GABBR1: variants seen among roughly 807,000 people sequenced by gnomAD.
The protein encoded by GABBR1 is gamma-aminobutyric acid type B receptor subunit 1, also known as GABA-B receptor, R1 subunit.
GABBR1 carries 35 observed loss-of-function variants against 117.7 expected under a neutral mutation model. That is an observed-to-expected ratio of 0.30 (90% confidence interval 0.23 to 0.39). The LOEUF (loss-of-function observed/expected upper bound fraction) is 0.39, where lower values mean the gene tolerates loss of function less well. GABBR1 is among the 10% of genes least tolerant of loss of function. The pLI, the probability that GABBR1 is intolerant of heterozygous loss-of-function variation, is 1.00. For missense variants in GABBR1, 709 were observed against 1,241.8 expected (o/e 0.57, Z 6.45); for synonymous variants, 442 against 486.6 (o/e 0.91, Z 1.21).
intron 11 of GABBR1, among the ~76,000 whole-genome samples, chr6:29,615,291 CAAAAAAAA>C (rs28751301): frequency 5.8e-5 from 5 of 86,750 alleles, no homozygotes; most frequent in Non-Finnish European, 1.1e-4. Flanking sequence ...GACTCCGTCT[CAAAAAAAA>C]AAAAAAAAGG....
At chr6:29,628,065 G>A in intron 5 of GABBR1, 1 of 989,770 alleles carries the variant, frequency 1.0e-6, no homozygotes, top group South Asian at 4.9e-5. Context: ...GGCTGGGAGG[G>A]GGCTCTGACG....
chr6:29,619,175 T>G (rs1472425126), intron 11 of GABBR1, among the ~76,000 whole-genome samples: 1 of 152,188 alleles, frequency 6.6e-6, no homozygotes, highest in Non-Finnish European at 1.5e-5. Flanking sequence ...ACTATTGATC[T>G]AAACATAAGG....
In GABBR1 at chr6:29,630,478, G is replaced by A. The variant is rs750918340; in HGVS notation, c.455C>T (p.Thr152Ile). 1 of 1,612,852 alleles carries A rather than the reference G, an allele frequency of 6.2e-7. No homozygotes were observed. Among genetic ancestry groups the A allele is most frequent in the Non-Finnish European group, 8.5e-7 (1 of 1,179,884 alleles). ...RSICSQGQWSTPKPHCQVNRT... is the reference protein window; with the variant it reads ...RSICSQGQWSIPKPHCQVNRT... Reference sequence around the variant, plus strand: ...CTCACCCTGGCAGTGGGGCTTGGGGGTGCTCCACTGGCCCTGACTACAGAT... The same window carrying A: ...CTCACCCTGGCAGTGGGGCTTGGGGATGCTCCACTGGCCCTGACTACAGAT... Residue 152 changes from threonine (T) to isoleucine (I), a missense_variant, in exon 4 of 23, where the codon ACC becomes ATC. By Grantham distance (89) the Thr-to-Ile change is moderately conservative (BLOSUM62 -1). Coordinates refer to ENST00000377034, the MANE Select transcript of GABBR1 (RefSeq NM_001470.4). This position sits in a 1 kb window ranked among gnomAD's most constrained non-coding sequence, Gnocchi z 4.9.
In GABBR1 at chr6:29,632,757, T is replaced by G; in HGVS notation, c.-1+93A>C. 2 of 1,061,126 alleles carry G rather than the reference T, an allele frequency of 1.9e-6. No individual in the cohort carries two copies. Among genetic ancestry groups the G allele is most frequent in the Non-Finnish European group, 2.4e-6 (2 of 838,204 alleles). 65.7% of individuals were successfully genotyped at this position (1,061,126 alleles called of 1,614,324 possible). On this transcript the variant is annotated intron_variant, in intron 1 of 22. Transcript: ENST00000377034. The surrounding 1 kb of genome is among the most constrained non-coding windows in gnomAD (Gnocchi z 5.8). ...GTTCCTCCTCTCCCCCAGCCCCGCT[T>G]CCCCCAGCTGGGCCCTGCGCCCACT...
In GABBR1 at chr6:29,607,865, T is replaced by G. The variant is rs948000512; in HGVS notation, c.1993-647A>C. Reference sequence around the variant, plus strand: ...ATCCCTACTCTGGAACCTCTCCTATTGCACTACAGCTAATTGTCTGCTTCT... The same window carrying G: ...ATCCCTACTCTGGAACCTCTCCTATGGCACTACAGCTAATTGTCTGCTTCT... On this transcript the variant is annotated intron_variant, in intron 16 of 22. Coordinates refer to ENST00000377034, the MANE Select transcript of GABBR1 (RefSeq NM_001470.4). The surrounding 1 kb of genome is among the most constrained non-coding windows in gnomAD (Gnocchi z 5.0). Among the ~76,000 whole-genome samples, 2 of 152,236 alleles carry G rather than the reference T, an allele frequency of 1.3e-5. No homozygotes were observed. The highest frequency in any genetic ancestry group is 4.8e-5 in the African/African-American group (2 of 41,464).
chr6:29,606,822 ACACAGCCCCAGGGCCCTGATGG>A lies in GABBR1; in HGVS notation c.2217+53_2217+74del. 8.0e-7 allele frequency: 1 copy of A among 1,250,576 alleles called. No homozygotes were observed. The allele number at this position is 1,250,576 out of a possible 1,614,324, so 77.5% of individuals were successfully genotyped here. ...CAAGTAGCTTCATCCCTCAAGACACACACAGCCCCAGGGCCCTGATGGCCACTGAGCCCTGCTCATTCTCCTG... is the reference window on the plus strand; with the variant it reads ...CAAGTAGCTTCATCCCTCAAGACACACCACTGAGCCCTGCTCATTCTCCTG... On this transcript the variant is annotated intron_variant, in intron 18 of 22. Transcript: ENST00000377034. The surrounding 1 kb of genome is among the most constrained non-coding windows in gnomAD (Gnocchi z 4.5).
At chr6:29,614,495 C>T (rs1334802787) in intron 11 of GABBR1, among the ~76,000 whole-genome samples, 1 of 152,228 alleles carries the variant, frequency 6.6e-6, no homozygotes, top group Non-Finnish European at 1.5e-5. Flanking sequence ...TTCTCTCCAA[C>T]TTTCTAGAGA....
At chr6:29,629,239 G>A in intron 4 of GABBR1, 132 bp from the exon 5 acceptor site, 1 of 1,010,334 alleles carries the variant, frequency 9.9e-7, no homozygotes, top group Non-Finnish European at 1.5e-6. Context: ...GTTTCTGAGG[G>A]GAGGGTGCCT....
At position 29,603,004 on chromosome 6, in the gene GABBR1, C is replaced by T. The variant is rs979747254; in HGVS notation, c.*539G>A. ...GAGGCAAGGAGCATGTGAGCCTTGG[C>T]GAAAAGAATGAGCTCCCAAAGGAAG... On this transcript the variant is annotated 3_prime_UTR_variant, in exon 23 of 23. Transcript: ENST00000377034. 13 of 456,498 alleles carry T rather than the reference C, an allele frequency of 2.8e-5. No individual in the cohort carries two copies. Among genetic ancestry groups the T allele is most frequent in the African/African-American group, 1.0e-4 (5 of 49,960 alleles). The allele number at this position is 456,498 out of a possible 1,614,324, so 28.3% of individuals were successfully genotyped here. A position where few individuals can be genotyped will look rare whatever the true frequency, so the allele number is the denominator to read the frequency against.
chr6:29,621,052 GTCC>G lies in GABBR1; in HGVS notation c.1323+46_1323+48del. 2 of 1,551,394 alleles carry G rather than the reference GTCC, an allele frequency of 1.3e-6. No individual in the cohort carries two copies. Among genetic ancestry groups the G allele is most frequent in the Non-Finnish European group, 1.8e-6 (2 of 1,138,608 alleles). ...CCCTTTCCCCTGCAAGGCCCCCTCA[GTCC>G]TCTCCACCCTCCCAGGTGCCAGACT... On this transcript the variant is annotated intron_variant, in intron 11 of 22. Transcript: ENST00000377034. The surrounding 1 kb of genome is among the most constrained non-coding windows in gnomAD (Gnocchi z 5.0).
chr6:29,621,010 G>T lies in GABBR1; in HGVS notation c.1323+91C>A. 1.8e-6 allele frequency: 2 copies of T among 1,123,286 alleles called. No individual in the cohort carries two copies. The highest frequency in any genetic ancestry group is 2.5e-6 in the Non-Finnish European group (2 of 791,578). 69.6% of individuals were successfully genotyped at this position (1,123,286 alleles called of 1,614,324 possible). On this transcript the variant is annotated intron_variant, in intron 11 of 22. Transcript: ENST00000377034. This position sits in a 1 kb window ranked among gnomAD's most constrained non-coding sequence, Gnocchi z 5.0. ...CTCTTCTCCTTTATATCCAAATTCC[G>T]CACCCTCTCCCTGCCACCCTTTCCC...
In GABBR1 at chr6:29,622,596, A is replaced by C. The variant is rs893579791; in HGVS notation, c.964-391T>G. The C allele has an allele frequency of 4.4e-5, 10 of 229,846 alleles. No homozygotes were observed. The South Asian group carries it at 6.5e-4, about 15-fold the overall frequency. The allele number at this position is 229,846 out of a possible 1,614,324, so 14.2% of individuals were successfully genotyped here. The stretch of plus-strand genomic sequence containing the variant: ...GGGCAGACAGACAAAGGATCAGAGA[A>C]GAATGGTCTGAATCAGAGTGAAAGT... On this transcript the variant is annotated intron_variant, in intron 8 of 22. Transcript: ENST00000377034. This position sits in a 1 kb window ranked among gnomAD's most constrained non-coding sequence, Gnocchi z 4.6.
rs1761980943 is a variant in GABBR1 at position 29,606,569 on chromosome 6, G to A, written c.2218-85C>T. 4.2e-6 allele frequency: 4 copies of A among 948,170 alleles called. No individual in the cohort carries two copies. Among genetic ancestry groups the A allele is most frequent in the South Asian group, 1.3e-5 (1 of 76,856 alleles). 58.7% of individuals were successfully genotyped at this position (948,170 alleles called of 1,614,324 possible). A position where few individuals can be genotyped will look rare whatever the true frequency, so the allele number is the denominator to read the frequency against. ...GCTTCTCAGTCTCTGGCTTCCAACT[G>A]TTTTCCTATGAGACCCTCAATGCTG... On this transcript the variant is annotated intron_variant, in intron 18 of 22. Transcript: ENST00000377034. This position sits in a 1 kb window ranked among gnomAD's most constrained non-coding sequence, Gnocchi z 4.5.
chr6:29,630,693 T>G lies in GABBR1; in HGVS notation c.290-50A>C, dbSNP rs752907650. 1.3e-6 allele frequency: 2 copies of G among 1,532,922 alleles called. No homozygotes were observed. Among genetic ancestry groups the G allele is most frequent in the Non-Finnish European group, 1.8e-6 (2 of 1,116,636 alleles). 95.0% of individuals were successfully genotyped at this position (1,532,922 alleles called of 1,614,324 possible). On this transcript the variant is annotated intron_variant, in intron 3 of 22. Coordinates refer to ENST00000377034, the MANE Select transcript of GABBR1 (RefSeq NM_001470.4). The surrounding 1 kb of genome is among the most constrained non-coding windows in gnomAD (Gnocchi z 4.9). ...AGAGAGGCGAGTTGAAGAAGGCTCT[T>G]TCCCTTTAAAGAGCAGGGGACTCAG...
rs749241074 is a variant in GABBR1 at position 29,607,408 on chromosome 6, A to G, written c.1993-190T>C. On this transcript the variant is annotated intron_variant, in intron 16 of 22. Coordinates refer to ENST00000377034, the MANE Select transcript of GABBR1 (RefSeq NM_001470.4). The surrounding 1 kb of genome is among the most constrained non-coding windows in gnomAD (Gnocchi z 5.0). ...GGAGAGCAGTCTCCCCACCTTGAAC[A>G]ATTCCTCCCATCCACCCTCTACTTC... Among the ~76,000 whole-genome samples the G allele has an allele frequency of 6.6e-6, 1 of 152,098 alleles. No individual in the cohort carries two copies.
rs1276490126 is a variant in GABBR1 at position 29,607,758 on chromosome 6, T to C, written c.1993-540A>G. 6.6e-6 allele frequency among the ~76,000 whole-genome samples: 1 copy of C among 152,248 alleles called. No homozygotes were observed. The highest frequency in any genetic ancestry group is 1.5e-5 in the Non-Finnish European group (1 of 68,044). On this transcript the variant is annotated intron_variant, in intron 16 of 22. Coordinates refer to ENST00000377034, the MANE Select transcript of GABBR1 (RefSeq NM_001470.4). The surrounding 1 kb of genome is among the most constrained non-coding windows in gnomAD (Gnocchi z 5.0). ...TCCTATTTGTCCTTCAGTATTCAAA[T>C]GCCACCTCTTCAGTGAGGTCCACCC...
At position 29,632,597 on chromosome 6, in the gene GABBR1, T is replaced by A; in HGVS notation, c.1-212A>T. On this transcript the variant is annotated intron_variant, in intron 1 of 22. Coordinates refer to ENST00000377034, the MANE Select transcript of GABBR1 (RefSeq NM_001470.4). The surrounding 1 kb of genome is among the most constrained non-coding windows in gnomAD (Gnocchi z 5.8). The stretch of plus-strand genomic sequence containing the variant: ...AGCCTGTCCCCACCCTCCTCCTGCC[T>A]CCCTCGGCCCCCAACCCTCCCGGGA... 1 of 1,104,142 alleles carries A rather than the reference T, an allele frequency of 9.1e-7. No homozygotes were observed. The allele number at this position is 1,104,142 out of a possible 1,614,324, so 68.4% of individuals were successfully genotyped here.
rs1408427580 is a variant in GABBR1, at chr6:29,633,030, C to G, written c.-181G>C. On this transcript the variant is annotated 5_prime_UTR_variant, in exon 1 of 23. Coordinates refer to ENST00000377034, the MANE Select transcript of GABBR1 (RefSeq NM_001470.4). This position sits in a 1 kb window ranked among gnomAD's most constrained non-coding sequence, Gnocchi z 4.4. ...CCCTCCTCTCTCGCTTCCCCCAAAC[C>G]CCACCCCTGTCTCTTCTTCCCCGGG... The G allele has an allele frequency of 1.3e-5, 2 of 155,356 alleles. No individual in the cohort carries two copies. The highest frequency in any genetic ancestry group is 2.9e-5 in the Non-Finnish European group (2 of 69,822). The allele number at this position is 155,356 out of a possible 1,614,324, so 9.6% of individuals were successfully genotyped here. A position where few individuals can be genotyped will look rare whatever the true frequency, so the allele number is the denominator to read the frequency against.
At chr6:29,615,965 G>T (rs1025458054) in intron 11 of GABBR1, among the ~76,000 whole-genome samples, 1 of 152,202 alleles carries the variant, frequency 6.6e-6, no homozygotes, top group Non-Finnish European at 1.5e-5. Flanking sequence ...ACTTTGGGAG[G>T]CTGAGGCGGG....
Sources: gnomAD v4.1 joint callset for allele counts (sites outside exome capture counted in the v4.1 genomes callset) on GRCh38, gnomAD v4.1.1 for gene constraint, Gnocchi (gnomAD v3.1) non-coding constraint, MANE v1.5 for transcripts, NCBI Gene and HGNC (gene_info 2026-07-23, HGNC 2026-07-21) for gene names.